The following ACAP2 variants were observed in gnomAD, a reference collection of about 807,000 sequenced individuals.
ACAP2 encodes ArfGAP with coiled-coil, ankyrin repeat and PH domains 2, also known as arf-GAP with coiled-coil, ANK repeat and PH domain-containing protein 2.
In ACAP2, 39 loss-of-function variants were observed where a neutral mutation model predicts 115.8. The observed-to-expected ratio is 0.34, with a 90% CI of 0.26 to 0.44. The LOEUF is 0.44. Ranked by LOEUF, ACAP2 falls within the 20% of genes least tolerant of loss-of-function variation. The pLI is 1.00. For synonymous variants in ACAP2, 289 were observed against 315.8 expected (o/e 0.92, Z 0.90); for missense variants, 662 against 927.6 (o/e 0.71, Z 3.72).
rs1431857129 is a variant in ACAP2 at position 195,278,310 on chromosome 3, C to T, written c.*1018G>A. ...AAATAGATGTAGAAAAAATAAACAGCAATTTATTGCTATATATTTTAGTAT... is the reference window on the plus strand; with the variant it reads ...AAATAGATGTAGAAAAAATAAACAGTAATTTATTGCTATATATTTTAGTAT... On this transcript the variant is annotated 3_prime_UTR_variant, in exon 23 of 23. Transcript: ENST00000326793. 6.6e-6 allele frequency: 1 copy of T among 151,966 alleles called. No individual in the cohort carries two copies. The highest frequency in any genetic ancestry group is 6.6e-5 in the Admixed American group (1 of 15,250). The allele number at this position is 151,966 out of a possible 1,614,324, so 9.4% of individuals were successfully genotyped here.
In ACAP2 at chr3:195,294,683, CA is replaced by C. The variant is rs749594508; in HGVS notation, c.1765+35del. The C allele has an allele frequency of 3.2e-6, 4 of 1,253,316 alleles. No individual in the cohort carries two copies. The South Asian group carries it at 5.0e-5, about 16-fold the overall frequency. 77.6% of individuals were successfully genotyped at this position (1,253,316 alleles called of 1,614,324 possible). A position where few individuals can be genotyped will look rare whatever the true frequency, so the allele number is the denominator to read the frequency against. ...TTTACCACATGCACTTTCCAGCAAA[CA>C]AAACCAATTAACATTGAGTTTCATC... On this transcript the variant is annotated intron_variant, in intron 18 of 22. Transcript: ENST00000326793.
intron 1 of ACAP2, among the ~76,000 whole-genome samples, chr3:195,410,027 A>C (rs1713130561): frequency 1.3e-5 from 2 of 152,160 alleles, no homozygotes; most frequent in South Asian, 4.1e-4. Context: ...TTCAAAACTT[A>C]CCACAAAGCC....
At chr3:195,280,146 C>T (rs944782424) in intron 22 of ACAP2, among the ~76,000 whole-genome samples, 7 of 151,960 alleles carry the variant, frequency 4.6e-5, no homozygotes, top group African/African-American at 1.7e-4. Context: ...AGCGAGACTA[C>T]ATCTCTACAA....
At chr3:195,297,388 C>T (rs1727724777) in intron 15 of ACAP2, 107 bp from the exon 16 acceptor site, 3 of 829,810 alleles carry the variant, frequency 3.6e-6, no homozygotes, top group Non-Finnish European at 5.5e-6. Flanking sequence ...TCCCCTTACA[C>T]ATTCTGCAGA....
At chr3:195,428,213 A>G (rs1391864452) in intron 1 of ACAP2, among the ~76,000 whole-genome samples, 1 of 151,222 alleles carries the variant, frequency 6.6e-6, no homozygotes, top group Non-Finnish European at 1.5e-5. Context: ...ATATAGTCAT[A>G]ATTATATGTA....
intron 10 of ACAP2, among the ~76,000 whole-genome samples, chr3:195,319,454 CA>C: frequency 6.6e-6 from 1 of 152,326 alleles, no homozygotes; most frequent in East Asian, 1.9e-4. Context: ...AAAAGCAGCG[CA>C]GGGGCTACAC....
chr3:195,300,027 CTTTTTTCTTT>C (rs1412728555), intron 15 of ACAP2, among the ~76,000 whole-genome samples: 27 of 121,490 alleles, frequency 2.2e-4, no homozygotes, highest in Admixed American at 4.2e-4. Flanking sequence ...TTCCGTCTTT[CTTTTTTCTTT>C]TTTTTTCTTT....
At chr3:195,371,408 T>C (rs1367429069) in intron 4 of ACAP2, among the ~76,000 whole-genome samples, 9 of 152,186 alleles carry the variant, frequency 5.9e-5, no homozygotes, top group Non-Finnish European at 8.8e-5. Flanking sequence ...ATGTTATGTA[T>C]CCTGAAACTT....
chr3:195,439,336 T>C (rs938717806), intron 1 of ACAP2, among the ~76,000 whole-genome samples: 1 of 151,752 alleles, frequency 6.6e-6, no homozygotes, highest in Admixed American at 6.6e-5. Context: ...CACGCCACCA[T>C]GCCCAACTAA....
At chr3:195,287,182 G>A (rs1726899533) in intron 21 of ACAP2, among the ~76,000 whole-genome samples, 1 of 152,194 alleles carries the variant, frequency 6.6e-6, no homozygotes, top group Non-Finnish European at 1.5e-5. Flanking sequence ...GTGAATAAGT[G>A]ATAAAGAATA....
At chr3:195,286,656 C>G (rs1726863786) in intron 21 of ACAP2, among the ~76,000 whole-genome samples, 1 of 152,196 alleles carries the variant, frequency 6.6e-6, no homozygotes, top group Non-Finnish European at 1.5e-5. Flanking sequence ...CCACAATTCC[C>G]TTTATCTTCT....
At chr3:195,333,601 T>C (rs1730315537) in intron 7 of ACAP2, among the ~76,000 whole-genome samples, 2 of 152,352 alleles carry the variant, frequency 1.3e-5, no homozygotes, top group South Asian at 4.1e-4. Context: ...TAAAAGAAAT[T>C]TCCCAGTGGT....
chr3:195,314,263 A>ATT (rs111680834), intron 10 of ACAP2, among the ~76,000 whole-genome samples: 2 of 142,054 alleles, frequency 1.4e-5, no homozygotes, highest in Non-Finnish European at 3.1e-5. Flanking sequence ...GAGAAAGAAG[A>ATT]TTTTTTTTTT....
rs1461104628 is a variant in ACAP2, at chr3:195,337,898, G to GACCTGAGCCCGGGGCCACTCCCACCTCA, written c.529-950_529-923dup. On this transcript the variant is annotated intron_variant, in intron 6 of 22. Transcript: ENST00000326793. The stretch of plus-strand genomic sequence containing the variant: ...ATTACCTTCCCACTTTCTGTACTCC[G>GACCTGAGCCCGGGGCCACTCCCACCTCA]ACCTGAGCCCGGGGCCACTCCCACC... 1.6e-3 allele frequency among the ~76,000 whole-genome samples: 223 copies of GACCTGAGCCCGGGGCCACTCCCACCTCA among 143,428 alleles called. 2 individuals are homozygous for GACCTGAGCCCGGGGCCACTCCCACCTCA. The highest frequency in any genetic ancestry group is 5.1e-3 in the African/African-American group (199 of 39,080). The allele number at this position is 143,428 out of a possible 152,430, so 94.1% of individuals were successfully genotyped here. A position where few individuals can be genotyped will look rare whatever the true frequency, so the allele number is the denominator to read the frequency against.
intron 10 of ACAP2, among the ~76,000 whole-genome samples, chr3:195,320,065 T>C (rs957505542): frequency 1.3e-5 from 2 of 152,176 alleles, no homozygotes; most frequent in African/African-American, 2.4e-5. Flanking sequence ...CAATTTCCCC[T>C]GAGCACTCTC....
At chr3:195,403,028 G>A (rs1389662098) in intron 1 of ACAP2, among the ~76,000 whole-genome samples, 1 of 152,100 alleles carries the variant, frequency 6.6e-6, no homozygotes, top group Non-Finnish European at 1.5e-5. Flanking sequence ...AAGTACCATG[G>A]GAAAAAAGGA....
At position 195,443,011 on chromosome 3, in the gene ACAP2, G is replaced by A. The variant is rs1467689699; in HGVS notation, c.-164C>T. 3 of 553,182 alleles carry A rather than the reference G, an allele frequency of 5.4e-6. No homozygotes were observed. The highest frequency in any genetic ancestry group is 6.9e-5 in the East Asian group (2 of 28,854). 34.3% of individuals were successfully genotyped at this position (553,182 alleles called of 1,614,324 possible). On this transcript the variant is annotated 5_prime_UTR_variant, in exon 1 of 23. Transcript: ENST00000326793. ...TCATAGCAGCCGCGAAGACGGCGAC[G>A]ACTAGTCAGGCCCCAGTCCCGCCCC...
chr3:195,348,127 T>C (rs559830963), intron 4 of ACAP2, among the ~76,000 whole-genome samples: 5 of 151,252 alleles, frequency 3.3e-5, no homozygotes, highest in Admixed American at 6.6e-5. Flanking sequence ...TATTTTTAAA[T>C]GCATTAATAA....
intron 1 of ACAP2, among the ~76,000 whole-genome samples, chr3:195,413,144 A>T (rs1469311832): frequency 3.9e-5 from 6 of 152,208 alleles, no homozygotes; most frequent in Non-Finnish European, 1.5e-5. Context: ...TTCCTTTTGT[A>T]AGTAGTTTTG....
Sources: allele counts gnomAD v4.1 joint callset (sites outside exome capture counted in the v4.1 genomes callset), GRCh38; gene constraint gnomAD v4.1.1; transcripts MANE v1.5; gene names NCBI Gene and HGNC (gene_info 2026-07-23, HGNC 2026-07-21).